The following CDC20B variants were observed in gnomAD, a reference collection of about 807,000 sequenced individuals.
The protein encoded by CDC20B is cell division cycle protein 20 homolog B.
In CDC20B, 58 loss-of-function variants were observed where a neutral mutation model predicts 64.1. That is an observed-to-expected ratio of 0.90 (90% CI 0.73 to 1.13). CDC20B has a LOEUF of 1.13. CDC20B is among the 50% of genes most tolerant of loss of function. The pLI, the probability that CDC20B is intolerant of heterozygous loss-of-function variation, is 0.00. For synonymous variants in CDC20B, 243 were observed against 230.6 expected (o/e 1.05, Z -0.49); for missense variants, 597 against 633.0 (o/e 0.94, Z 0.61).
At chr5:55,130,374 G>A (rs1435241878) in intron 6 of CDC20B, among the ~76,000 whole-genome samples, 13 of 152,150 alleles carry the variant, frequency 8.5e-5, no homozygotes, top group Non-Finnish European at 1.2e-4. Flanking sequence ...AAGCCTCAGC[G>A]AATTGTGGAA....
intron 3 of CDC20B, among the ~76,000 whole-genome samples, chr5:55,146,381 A>G (rs1265019048): frequency 6.6e-6 from 1 of 152,220 alleles, no homozygotes; most frequent in African/African-American, 2.4e-5. Context: ...TTCTTTGCAC[A>G]ATTAACTTTG....
At chr5:55,172,461 TA>T in intron 2 of CDC20B, 126 bp downstream of exon 2, 1 of 726,920 alleles carries the variant, frequency 1.4e-6, no homozygotes, top group Non-Finnish European at 2.3e-6. Context: ...TTTTAGTATG[TA>T]ATAAGATACT....
rs1742954881 is a variant in CDC20B at position 55,128,629 on chromosome 5, G to T, written c.698-12C>A. 1.3e-6 allele frequency: 2 copies of T among 1,520,104 alleles called. No individual in the cohort carries two copies. The highest frequency in any genetic ancestry group is 1.8e-6 in the Non-Finnish European group (2 of 1,142,708). 94.2% of individuals were successfully genotyped at this position (1,520,104 alleles called of 1,614,324 possible). On this transcript the variant is annotated splice_polypyrimidine_tract_variant and intron_variant, in intron 6 of 11. Transcript: ENST00000381375. ...TAGGATATTCAGATCTATAAGAAAA[G>T]CACTTCAAATTAGTATAATTATACA...
Position 55,114,442 on chromosome 5 carries a change from C to T in CDC20B, c.1460-124G>A. 9 of 1,462,116 alleles carry T rather than the reference C, an allele frequency of 6.2e-6. No homozygotes were observed. Among genetic ancestry groups the T allele is most frequent in the South Asian group, 1.5e-5 (1 of 64,928 alleles). The allele number at this position is 1,462,116 out of a possible 1,614,324, so 90.6% of individuals were successfully genotyped here. On this transcript the variant is annotated intron_variant, in intron 11 of 11. Transcript: ENST00000381375. The surrounding 1 kb of genome is among the most constrained non-coding windows in gnomAD (Gnocchi z 4.1). The stretch of plus-strand genomic sequence containing the variant: ...AGGATAAAGGGCTTTCCCACACCCA[C>T]CAGGTTCAGAGCTGCCACCAACTGA...
chr5:55,151,239 C>A (rs770693531), intron 2 of CDC20B, among the ~76,000 whole-genome samples: 1 of 152,162 alleles, frequency 6.6e-6, no homozygotes, highest in Non-Finnish European at 1.5e-5. Flanking sequence ...GAAATTTAGA[C>A]TTTTCATATG....
At chr5:55,127,226 A>G (rs1561287878) in intron 8 of CDC20B, 31 bp downstream of exon 8, 1 of 1,572,188 alleles carries the variant, frequency 6.4e-7, no homozygotes, top group African/African-American at 1.3e-5. Context: ...GTTAATACAA[A>G]CATAACTGTC....
At chr5:55,157,754 A>G (rs912428952) in intron 2 of CDC20B, among the ~76,000 whole-genome samples, 3 of 152,218 alleles carry the variant, frequency 2.0e-5, no homozygotes, top group African/African-American at 4.8e-5. Flanking sequence ...TTATAATACA[A>G]TGGACTAGAA....
intron 2 of CDC20B, among the ~76,000 whole-genome samples, chr5:55,149,404 A>G (rs1385495072): frequency 2.6e-5 from 4 of 152,230 alleles, no homozygotes; most frequent in Non-Finnish European, 5.9e-5. Context: ...ATGTGCACAT[A>G]TGTTCATAGT....
chr5:55,152,951 T>G (rs1463717536), intron 2 of CDC20B, among the ~76,000 whole-genome samples: 1 of 152,070 alleles, frequency 6.6e-6, no homozygotes, highest in Admixed American at 6.5e-5. Context: ...AGGAGAACAA[T>G]TCTCAGGGCA....
intron 6 of CDC20B, among the ~76,000 whole-genome samples, chr5:55,132,789 T>C (rs1202977660): frequency 1.3e-5 from 2 of 152,218 alleles, no homozygotes; most frequent in Non-Finnish European, 2.9e-5. Context: ...ATCTTCTTCA[T>C]TGCCATTAAA....
intron 11 of CDC20B, among the ~76,000 whole-genome samples, chr5:55,117,190 T>C (rs1742643380): frequency 6.6e-6 from 1 of 152,182 alleles, no homozygotes; most frequent in African/African-American, 2.4e-5. Flanking sequence ...CTTGAGTAGG[T>C]GGGAATAATC....
chr5:55,171,752 G>A (rs1744606374), intron 2 of CDC20B, among the ~76,000 whole-genome samples: 1 of 152,094 alleles, frequency 6.6e-6, no homozygotes, highest in African/African-American at 2.4e-5. Flanking sequence ...ACAGGCACAT[G>A]TCATCATGCC....
intron 11 of CDC20B, among the ~76,000 whole-genome samples, chr5:55,117,541 G>T (rs1206685458): frequency 6.6e-6 from 1 of 152,000 alleles, no homozygotes; most frequent in Non-Finnish European, 1.5e-5. Context: ...ATGACCCCCA[G>T]TTTGAAGACC....
chr5:55,132,868 T>C (rs1008431437), intron 6 of CDC20B, among the ~76,000 whole-genome samples: 1 of 152,236 alleles, frequency 6.6e-6, no homozygotes, highest in African/African-American at 2.4e-5. Context: ...TTCTCCTCTA[T>C]ACCTTTCCAA....
intron 2 of CDC20B, among the ~76,000 whole-genome samples, chr5:55,157,656 T>G (rs1204017347): frequency 1.3e-5 from 2 of 152,220 alleles, no homozygotes; most frequent in Non-Finnish European, 2.9e-5. Context: ...ACTGGCTTAT[T>G]CAGCAATCAC....
rs199553657 is a variant in CDC20B, at chr5:55,127,395, A to G, written c.895-44T>C. On this transcript the variant is annotated intron_variant, in intron 7 of 11. Coordinates refer to ENST00000381375, the MANE Select transcript of CDC20B (RefSeq NM_001170402.1). ...AGAGTTATGTAGCATTGGAGTTTTC[A>G]CAGCCCACTGTCTTCTCAAAGGCCT... 115 of 1,492,630 alleles carry G rather than the reference A, an allele frequency of 7.7e-5. No homozygotes were observed. In the East Asian group the frequency reaches 2.4e-3, roughly 31 times the overall value. 92.5% of individuals were successfully genotyped at this position (1,492,630 alleles called of 1,614,324 possible).
intron 2 of CDC20B, chr5:55,161,164 T>A: frequency 6.2e-7 from 1 of 1,614,204 alleles, no homozygotes; most frequent in Admixed American, 1.7e-5. Context: ...TAGAATCTTT[T>A]GCAAGAAAAA....
intron 4 of CDC20B, among the ~76,000 whole-genome samples, chr5:55,140,915 G>A (rs1743311925): frequency 6.6e-6 from 1 of 152,182 alleles, no homozygotes; most frequent in African/African-American, 2.4e-5. Flanking sequence ...AAACACCTGG[G>A]AAAATTAGTA....
At chr5:55,134,157 C>G (rs1743099290) in intron 5 of CDC20B, among the ~76,000 whole-genome samples, 1 of 152,126 alleles carries the variant, frequency 6.6e-6, no homozygotes, top group African/African-American at 2.4e-5. Context: ...ATACTAAGTT[C>G]AAACCACAGG....
Sources: gnomAD v4.1 joint callset for allele counts (sites outside exome capture counted in the v4.1 genomes callset) on GRCh38, gnomAD v4.1.1 for gene constraint, Gnocchi (gnomAD v3.1) non-coding constraint, MANE v1.5 for transcripts, NCBI Gene and HGNC (gene_info 2026-07-23, HGNC 2026-07-21) for gene names.